Variants in ROR2 observed in about 807,000 individuals in gnomAD.
The protein encoded by ROR2 is tyrosine-protein kinase transmembrane receptor ROR2.
In ROR2, 33 loss-of-function variants were observed where a neutral mutation model predicts 74.9. The ratio of observed to expected loss-of-function variants is 0.44; its 90% confidence interval spans 0.33 to 0.59. The LOEUF (loss-of-function observed/expected upper bound fraction) is 0.59, where lower values mean the gene tolerates loss of function less well. ROR2 is among the 20% of genes least tolerant of loss of function. The pLI, the probability that ROR2 is intolerant of heterozygous loss-of-function variation, is 0.02. For synonymous variants in ROR2, 586 were observed against 558.7 expected (o/e 1.05, Z -0.69); for missense variants, 1,216 against 1,313.8 (o/e 0.93, Z 1.15).
At chr9:91,911,933 CAAAAAAA>C (rs747087662) in intron 1 of ROR2, among the ~76,000 whole-genome samples, 1 of 76,394 alleles carries the variant, frequency 1.3e-5, no homozygotes, top group Non-Finnish European at 2.6e-5. Flanking sequence ...TGAGTCTAAG[CAAAAAAA>C]AAAAAAAAAA....
chr9:91,922,539 T>C (rs1204399925), intron 1 of ROR2, among the ~76,000 whole-genome samples: 1 of 152,112 alleles, frequency 6.6e-6, no homozygotes, highest in Admixed American at 6.6e-5. Flanking sequence ...CTGCAACCTC[T>C]ACCACCCAGG....
At chr9:91,789,031 G>C (rs755915532) in intron 1 of ROR2, among the ~76,000 whole-genome samples, 2 of 152,168 alleles carry the variant, frequency 1.3e-5, no homozygotes, top group African/African-American at 4.8e-5. Context: ...CAAAGTTACA[G>C]TTACAAAGAG....
At chr9:91,911,112 T>C (rs1830967997) in intron 1 of ROR2, among the ~76,000 whole-genome samples, 1 of 152,250 alleles carries the variant, frequency 6.6e-6, no homozygotes, top group Non-Finnish European at 1.5e-5. Context: ...GCCAGGCCCA[T>C]TTCCACATCT....
intron 1 of ROR2, among the ~76,000 whole-genome samples, chr9:91,882,065 T>C (rs1324501602): frequency 1.3e-5 from 2 of 152,280 alleles, no homozygotes; most frequent in East Asian, 3.9e-4. Context: ...GTTTGGTTCC[T>C]GTCCTTTCGA....
intron 1 of ROR2, among the ~76,000 whole-genome samples, chr9:91,826,183 T>C (rs988861540): frequency 2.0e-5 from 3 of 152,200 alleles, no homozygotes; most frequent in African/African-American, 7.2e-5. Flanking sequence ...TTTTCTCATC[T>C]ACAGAATGGG....
At chr9:91,763,719 C>G (rs1354905493) in intron 2 of ROR2, among the ~76,000 whole-genome samples, 1 of 152,166 alleles carries the variant, frequency 6.6e-6, no homozygotes, top group Non-Finnish European at 1.5e-5. Flanking sequence ...AATTTTCCTT[C>G]CACTCTTCTT....
intron 2 of ROR2, among the ~76,000 whole-genome samples, chr9:91,771,196 C>G (rs1285766359): frequency 1.3e-5 from 2 of 152,194 alleles, no homozygotes; most frequent in Non-Finnish European, 2.9e-5. Flanking sequence ...GGACGAGGAG[C>G]AGCTCTTCTC....
At chr9:91,775,698 G>T in intron 2 of ROR2, 43 bp downstream of exon 2, 1 of 1,574,864 alleles carries the variant, frequency 6.3e-7, no homozygotes, top group Non-Finnish European at 8.7e-7. Context: ...CTCAGCACAG[G>T]GCATTTGGAG....
In ROR2 at chr9:91,757,386, C is replaced by T; in HGVS notation, c.349G>A (p.Gly117Ser). The change falls in exon 3 of 9, where the codon GGT becomes AGT. Residue 117 changes from glycine to serine, a missense_variant. Transcript: ENST00000375708. ...AGGTCCTGGATTCGCAGTCGTGAAC[C>T]ATATTCTGTCTTCCGGATGATGATC... ...RRIIIRKTEY[G>S]SRLRIQDLDT... 6.2e-7 allele frequency: 1 copy of T among 1,613,954 alleles called. No homozygotes were observed. Among genetic ancestry groups the T allele is most frequent in the Non-Finnish European group, 8.5e-7 (1 of 1,180,010 alleles).
intron 2 of ROR2, among the ~76,000 whole-genome samples, chr9:91,773,681 A>T (rs1826317876): frequency 6.6e-6 from 1 of 152,014 alleles, no homozygotes; most frequent in East Asian, 1.9e-4. Context: ...ACCCCGGCTG[A>T]CTCTGACCTC....
At chr9:91,937,889 T>G (rs372844900) in intron 1 of ROR2, among the ~76,000 whole-genome samples, 138 of 152,128 alleles carry the variant, frequency 9.1e-4, no homozygotes, top group African/African-American at 3.1e-3. Flanking sequence ...AATTTTTCAT[T>G]TTTATTTTTG....
At position 91,846,348 on chromosome 9, in the gene ROR2, C is replaced by T. The variant is rs140886997; in HGVS notation, c.98-70530G>A. Among the ~76,000 whole-genome samples, 383 of 152,252 alleles carry T rather than the reference C, an allele frequency of 2.5e-3. 5 individuals are homozygous for T. Among genetic ancestry groups the T allele is most frequent in the African/African-American group, 8.9e-3 (369 of 41,528 alleles). On this transcript the variant is annotated intron_variant, in intron 1 of 8. Transcript: ENST00000375708. ...CCAATTCAATATAGTTGGCATCCTACAAGAAGGGGAAGAGACACTGGCACT... is the reference window on the plus strand; with the variant it reads ...CCAATTCAATATAGTTGGCATCCTATAAGAAGGGGAAGAGACACTGGCACT...
At position 91,918,426 on chromosome 9, in the gene ROR2, G is replaced by C. The variant is rs371487504; in HGVS notation, c.97+31441C>G. ...GGTTCCCTAACCCTAAATACTTTCC[G>C]ACAGTTTAAAAGAAGGTGGAGGAAA... On this transcript the variant is annotated intron_variant, in intron 1 of 8. Transcript: ENST00000375708. Among the ~76,000 whole-genome samples, 8 of 152,216 alleles carry C rather than the reference G, an allele frequency of 5.3e-5. No homozygotes were observed. In the East Asian group the frequency reaches 9.7e-4, roughly 18 times the overall value.
At chr9:91,795,346 AG>A (rs1827132010) in intron 1 of ROR2, among the ~76,000 whole-genome samples, 1 of 152,206 alleles carries the variant, frequency 6.6e-6, no homozygotes, top group Non-Finnish European at 1.5e-5. Flanking sequence ...TTTTGGAATG[AG>A]GACAGAAATG....
chr9:91,788,492 GCTGGCTT>G (rs1054820365), intron 1 of ROR2, among the ~76,000 whole-genome samples: 23 of 152,012 alleles, frequency 1.5e-4, no homozygotes, highest in African/African-American at 5.3e-4. Flanking sequence ...AATGTTAAAA[GCTGGCTT>G]CTCATCAGAA....
intron 1 of ROR2, among the ~76,000 whole-genome samples, chr9:91,902,471 T>C (rs1410205203): frequency 6.6e-6 from 1 of 151,870 alleles, no homozygotes; most frequent in East Asian, 1.9e-4. Flanking sequence ...AAAACAGATC[T>C]CAAAAGCAGT....
Position 91,725,003 on chromosome 9 carries a change from C to A in ROR2, c.1491G>T (p.Pro497=), listed in dbSNP as rs146347005. The A allele has an allele frequency of 1.2e-6, 2 of 1,613,842 alleles. No individual in the cohort carries two copies. Among genetic ancestry groups the A allele is most frequent in the Non-Finnish European group, 1.7e-6 (2 of 1,180,030 alleles). The change falls in exon 9 of 9, where the codon CCG becomes CCT. Residue 497 remains proline (P), a synonymous_variant. Coordinates refer to ENST00000375708, the MANE Select transcript of ROR2 (RefSeq NM_004560.4). ...VYKGHLFGPA[P]GEQTQAVAIK... The stretch of plus-strand genomic sequence containing the variant: ...TGGCCACAGCCTGGGTCTGCTCCCC[C>A]GGGGCAGGGCCGAACAGGTGACCTT...
chr9:91,778,890 T>C (rs900249996), intron 1 of ROR2, among the ~76,000 whole-genome samples: 1 of 152,172 alleles, frequency 6.6e-6, no homozygotes, highest in Non-Finnish European at 1.5e-5. Context: ...CTTTTAGTTT[T>C]TTGATACTTT....
chr9:91,903,821 G>A (rs369828113), intron 1 of ROR2, among the ~76,000 whole-genome samples: 2 of 152,056 alleles, frequency 1.3e-5, no homozygotes, highest in Admixed American at 6.6e-5. Flanking sequence ...GAGAGTCCAC[G>A]GCAATAAAAT....
Sources: allele counts gnomAD v4.1 joint callset (sites outside exome capture counted in the v4.1 genomes callset), GRCh38; gene constraint gnomAD v4.1.1; transcripts MANE v1.5; gene names NCBI Gene and HGNC (gene_info 2026-07-23, HGNC 2026-07-21).